Variants in SNTG2 observed in about 807,000 individuals in gnomAD.
SNTG2 encodes the protein gamma-2-syntrophin.
Under a neutral mutation model 70.9 loss-of-function variants are expected in SNTG2, and 74 were observed. The ratio of observed to expected loss-of-function variants is 1.04; its 90% CI spans 0.86 to 1.27. The LOEUF is 1.27. Ranked by LOEUF, SNTG2 falls within the 50% of genes most tolerant of loss-of-function variation. The probability of loss-of-function intolerance (pLI) is 0.00; values close to 1 mark genes in which losing one functional copy is unlikely to be tolerated. For synonymous variants in SNTG2, 278 were observed against 273.8 expected, an observed-to-expected ratio of 1.02 and a Z score of -0.15; for missense variants, 717 against 690.7, an observed-to-expected ratio of 1.04 and a Z score of -0.43.
intron 1 of SNTG2, among the ~76,000 whole-genome samples, chr2:1,005,980 T>A (rs1462755822): frequency 2.0e-5 from 3 of 150,604 alleles, no homozygotes; most frequent in Non-Finnish European, 4.4e-5. Context: ...GATAAATAAT[T>A]AGCAATATAG....
Position 1,298,040 on chromosome 2 carries a change from C to G in SNTG2, c.1285-10454C>G, listed in dbSNP as rs572135322. ...AAGGGGTGACGGACAGAAGACTGGG[C>G]TGGTGCTTCTTCCAGAGTAGGGGCA... On this transcript the variant is annotated intron_variant, in intron 14 of 16. Coordinates refer to ENST00000308624, the MANE Select transcript of SNTG2 (RefSeq NM_018968.4). Among the ~76,000 whole-genome samples the G allele has an allele frequency of 3.3e-5, 5 of 152,308 alleles. No homozygotes were observed. The East Asian group carries it at 9.6e-4, about 29-fold the overall frequency.
At chr2:1,047,521 G>A (rs1021539668) in intron 1 of SNTG2, among the ~76,000 whole-genome samples, 1 of 152,210 alleles carries the variant, frequency 6.6e-6, no homozygotes, top group Non-Finnish European at 1.5e-5. Context: ...TGTAATTTGT[G>A]TACAGTCAGT....
chr2:1,333,831 A>C, intron 16 of SNTG2, among the ~76,000 whole-genome samples: 1 of 152,208 alleles, frequency 6.6e-6, no homozygotes, highest in East Asian at 1.9e-4. Context: ...AAACTATAAA[A>C]ATTCTGGAAG....
intron 1 of SNTG2, among the ~76,000 whole-genome samples, chr2:965,611 G>A (rs1459233332): frequency 6.6e-6 from 1 of 151,050 alleles, no homozygotes; most frequent in Non-Finnish European, 1.5e-5. Flanking sequence ...GTTGCCCCTG[G>A]TCCTCCTCGT....
At chr2:1,255,601 C>T (rs1489410090) in intron 12 of SNTG2, among the ~76,000 whole-genome samples, 1 of 151,798 alleles carries the variant, frequency 6.6e-6, no homozygotes, top group Non-Finnish European at 1.5e-5. Flanking sequence ...TAAATCTGAA[C>T]CGCTTGGATG....
chr2:1,287,967 C>CTGAGGCGGAGCACT (rs1249053700), intron 14 of SNTG2, among the ~76,000 whole-genome samples: 1 of 152,096 alleles, frequency 6.6e-6, no homozygotes, highest in East Asian at 1.9e-4. Flanking sequence ...GGTGGAGCAC[C>CTGAGGCGGAGCACT]TGGGGCGAGC....
rs148197057 is a variant in SNTG2, at chr2:956,352, C to T, written c.72+5284C>T. Among the ~76,000 whole-genome samples, 124 of 152,328 alleles carry T rather than the reference C, an allele frequency of 8.1e-4. 1 individual carries two copies. The highest frequency in any genetic ancestry group is 6.8e-3 in the Middle Eastern group (2 of 294). ...CAAAACTCCTCTCTGCAGCTCAGTCCGGAGCAGGGTTGTGTTCTGCCCTTC... is the reference window on the plus strand; with the variant it reads ...CAAAACTCCTCTCTGCAGCTCAGTCTGGAGCAGGGTTGTGTTCTGCCCTTC... On this transcript the variant is annotated intron_variant, in intron 1 of 16. Coordinates refer to ENST00000308624, the MANE Select transcript of SNTG2 (RefSeq NM_018968.4).
chr2:1,176,373 G>T (rs1671477479), intron 8 of SNTG2, among the ~76,000 whole-genome samples: 2 of 137,832 alleles, frequency 1.5e-5, no homozygotes, highest in Admixed American at 1.5e-4. Context: ...CCTGGGTAAA[G>T]AAATAACCTG....
At chr2:962,039 T>C (rs1053879417) in intron 1 of SNTG2, among the ~76,000 whole-genome samples, 1 of 152,238 alleles carries the variant, frequency 6.6e-6, no homozygotes, top group African/African-American at 2.4e-5. Flanking sequence ...CTAGACTTCA[T>C]TGGTTCTTCA....
chr2:1,069,628 TA>T (rs1325754572), intron 1 of SNTG2, among the ~76,000 whole-genome samples: 2 of 151,890 alleles, frequency 1.3e-5, no homozygotes. Flanking sequence ...CTGTCTGTAC[TA>T]AAAATACAAA....
chr2:997,911 A>G (rs530139951), intron 1 of SNTG2, among the ~76,000 whole-genome samples: 72 of 152,330 alleles, frequency 4.7e-4, no homozygotes, highest in South Asian at 8.3e-4. Context: ...TGTTGACACA[A>G]GCGAACAGCA....
chr2:1,267,654 C>CG, intron 14 of SNTG2, 83 bp downstream of exon 14: 2 of 1,250,766 alleles, frequency 1.6e-6, no homozygotes, highest in African/African-American at 1.5e-5. Context: ...AGCAGTTTAT[C>CG]GGGGGAAAAG....
intron 11 of SNTG2, among the ~76,000 whole-genome samples, chr2:1,244,046 G>C (rs1572848954): frequency 6.6e-6 from 1 of 152,300 alleles, no homozygotes. Flanking sequence ...TGGTGGTGGG[G>C]GTGGCTGGGG....
At chr2:1,164,507 G>A (rs1670570632) in intron 6 of SNTG2, among the ~76,000 whole-genome samples, 1 of 116,042 alleles carries the variant, frequency 8.6e-6, no homozygotes, top group Non-Finnish European at 1.8e-5. Context: ...GGAGGATGAA[G>A]TGAGGTAGGA....
At chr2:1,246,845 G>T (rs1219606572) in intron 11 of SNTG2, among the ~76,000 whole-genome samples, 1 of 152,088 alleles carries the variant, frequency 6.6e-6, no homozygotes, top group East Asian at 1.9e-4. Flanking sequence ...ACTGCTCATT[G>T]TAAGAATCTA....
intron 11 of SNTG2, among the ~76,000 whole-genome samples, chr2:1,243,043 C>T (rs746442864): frequency 2.4e-4 from 37 of 152,104 alleles, no homozygotes; most frequent in Non-Finnish European, 4.9e-4. Context: ...AGAAAGCATC[C>T]GATGTTTCCA....
At chr2:1,278,189 T>C (rs1287480019) in intron 14 of SNTG2, among the ~76,000 whole-genome samples, 1 of 152,230 alleles carries the variant, frequency 6.6e-6, no homozygotes, top group Non-Finnish European at 1.5e-5. Flanking sequence ...AGTACACAAG[T>C]AACCTCATTT....
chr2:1,259,907 TGCCCGGA>T (rs1678328293), intron 13 of SNTG2, among the ~76,000 whole-genome samples: 1 of 152,228 alleles, frequency 6.6e-6, no homozygotes, highest in Non-Finnish European at 1.5e-5. Flanking sequence ...CTGGTGGGGC[TGCCCGGA>T]GCCTGGAGGT....
At chr2:1,277,322 AGCC>A (rs1324815471) in intron 14 of SNTG2, among the ~76,000 whole-genome samples, 1 of 152,180 alleles carries the variant, frequency 6.6e-6, no homozygotes, top group Non-Finnish European at 1.5e-5. Flanking sequence ...AAACTACCAC[AGCC>A]GCTCCAACCT....
Sources: gnomAD v4.1 joint callset for allele counts (sites outside exome capture counted in the v4.1 genomes callset) on GRCh38, gnomAD v4.1.1 for gene constraint, MANE v1.5 for transcripts, NCBI Gene and HGNC (gene_info 2026-07-23, HGNC 2026-07-21) for gene names.